The following PHIP variants were observed in gnomAD, a reference collection of about 807,000 sequenced individuals.
PHIP encodes PHIP subunit of CUL4-Ring ligase complex, also known as PH-interacting protein.
Under a neutral mutation model 236.8 loss-of-function variants are expected in PHIP, and 54 were observed. The ratio of observed to expected loss-of-function variants is 0.23; its 90% CI spans 0.18 to 0.29. PHIP has a LOEUF of 0.29. PHIP is among the 10% of genes least tolerant of loss of function. The pLI is 1.00. For synonymous variants in PHIP, 756 were observed against 718.9 expected (o/e 1.05, Z -0.83); for missense variants, 1,370 against 2,190.8 (o/e 0.63, Z 7.48).
rs1771354922 is a variant in PHIP, at chr6:79,025,545, G to C, written c.897C>G (p.Leu299=). Residue 299 remains leucine, a synonymous_variant, in exon 9 of 40, where the codon CTC becomes CTG. Coordinates refer to ENST00000275034, the MANE Select transcript of PHIP (RefSeq NM_017934.7). The part of the protein sequence containing the change: ...TGADGTICFW[L]WDAGTLKINP... ...TTATTTTAAGGGTTCCAGCATCCCAGAGCCAAAAACAAATAGTGCCATCTG... is the reference window on the plus strand; with the variant it reads ...TTATTTTAAGGGTTCCAGCATCCCACAGCCAAAAACAAATAGTGCCATCTG... 2 of 1,608,624 alleles carry C rather than the reference G, an allele frequency of 1.2e-6. No individual in the cohort carries two copies. The highest frequency in any genetic ancestry group is 1.7e-4 in the Middle Eastern group (1 of 6,050).
chr6:79,008,877 AT>A (rs922275778), intron 15 of PHIP, among the ~76,000 whole-genome samples: 8 of 152,074 alleles, frequency 5.3e-5, no homozygotes, highest in Non-Finnish European at 1.2e-4. Context: ...TAATAAAACC[AT>A]TGTTCTCAAG....
At chr6:79,014,958 T>A in intron 15 of PHIP, 124 bp downstream of exon 15, 1 of 664,000 alleles carries the variant, frequency 1.5e-6, no homozygotes, top group East Asian at 2.7e-5. Context: ...TCTTTATTGA[T>A]GGGAATTTAA....
At chr6:79,048,141 G>GT (rs1457347950) in intron 6 of PHIP, among the ~76,000 whole-genome samples, 1 of 151,284 alleles carries the variant, frequency 6.6e-6, no homozygotes, top group Non-Finnish European at 1.5e-5. Context: ...TAAAAATGTT[G>GT]TATCTTTATT....
chr6:79,077,359 A>G (rs1774224144), intron 4 of PHIP, 89 bp downstream of exon 4: 17 of 1,240,124 alleles, frequency 1.4e-5, no homozygotes, highest in Non-Finnish European at 1.9e-5. Flanking sequence ...TCTAGGGCCA[A>G]GTTTTTGTCT....
chr6:79,043,283 C>A (rs1478061643), intron 6 of PHIP, among the ~76,000 whole-genome samples: 1 of 150,918 alleles, frequency 6.6e-6, no homozygotes, highest in East Asian at 1.9e-4. Context: ...AGGATTAAAG[C>A]TCAGATTTAT....
intron 4 of PHIP, among the ~76,000 whole-genome samples, chr6:79,065,123 C>T (rs982149898): frequency 1.3e-5 from 2 of 152,318 alleles, no homozygotes; most frequent in South Asian, 4.1e-4. Flanking sequence ...ATTTTTAAAT[C>T]CATCTACCTG....
At chr6:79,072,992 G>A (rs927834436) in intron 4 of PHIP, among the ~76,000 whole-genome samples, 11 of 152,086 alleles carry the variant, frequency 7.2e-5, no homozygotes, top group African/African-American at 2.7e-4. Context: ...ACCACACAAA[G>A]TAGAAGCTAT....
chr6:78,965,851 T>C, intron 28 of PHIP, 87 bp from the exon 29 acceptor site: 2 of 1,190,860 alleles, frequency 1.7e-6, no homozygotes, highest in East Asian at 2.3e-5. Flanking sequence ...TAATTGCTTC[T>C]GTGTTTAAAA....
At position 79,077,812 on chromosome 6, in the gene PHIP, G is replaced by A. The variant is rs1026569562; in HGVS notation, c.99+43C>T. 5.7e-5 allele frequency: 66 copies of A among 1,162,992 alleles called. No individual in the cohort carries two copies. The African/African-American group carries it at 9.3e-4, about 16-fold the overall frequency. The allele number at this position is 1,162,992 out of a possible 1,614,324, so 72.0% of individuals were successfully genotyped here. A position where few individuals can be genotyped will look rare whatever the true frequency, so the allele number is the denominator to read the frequency against. On this transcript the variant is annotated intron_variant, in intron 2 of 39. Coordinates refer to ENST00000275034, the MANE Select transcript of PHIP (RefSeq NM_017934.7). ...CGCCGCCTCCCTCCCCCACGCCCGCGAGCGGCGAGCGCCGGCCCGGCCCGC... is the reference window on the plus strand; with the variant it reads ...CGCCGCCTCCCTCCCCCACGCCCGCAAGCGGCGAGCGCCGGCCCGGCCCGC...
chr6:78,993,905 C>T (rs58662335), intron 19 of PHIP, among the ~76,000 whole-genome samples: 53 of 152,286 alleles, frequency 3.5e-4, no homozygotes, highest in African/African-American at 1.3e-3. Flanking sequence ...ATTCTGCTAA[C>T]AGATCTGGGC....
chr6:79,059,591 T>TTATTTATATA (rs1235977083), intron 6 of PHIP, among the ~76,000 whole-genome samples: 1 of 84,762 alleles, frequency 1.2e-5, no homozygotes, highest in African/African-American at 4.7e-5. Context: ...GAAAGCAAAA[T>TTATTTATATA]TATATATATA....
chr6:78,955,001 A>T (rs1486407720), intron 34 of PHIP, 38 bp from the exon 35 acceptor site: 16 of 1,418,726 alleles, frequency 1.1e-5, no homozygotes, highest in Non-Finnish European at 1.5e-5. Context: ...ATAAAAGAGC[A>T]CTTACACAAT....
At chr6:78,962,318 A>G (rs766665612) in intron 30 of PHIP, among the ~76,000 whole-genome samples, 79 of 152,192 alleles carry the variant, frequency 5.2e-4, no homozygotes, top group Non-Finnish European at 1.1e-3. Flanking sequence ...GTAAAGTTGT[A>G]CAGCAAAAAC....
chr6:79,052,786 G>C (rs1055963806), intron 6 of PHIP, among the ~76,000 whole-genome samples: 7 of 152,122 alleles, frequency 4.6e-5, no homozygotes, highest in African/African-American at 1.7e-4. Flanking sequence ...ATGTTTCATT[G>C]TTTCTAGAGT....
chr6:78,985,468 T>A (rs1260295939), intron 21 of PHIP, 40 bp from the exon 22 acceptor site: 2 of 951,422 alleles, frequency 2.1e-6, no homozygotes, highest in Non-Finnish European at 3.4e-6. Context: ...CATAATTTTA[T>A]AAAATAACAT....
chr6:78,972,171 C>A (rs1231313094), intron 24 of PHIP, among the ~76,000 whole-genome samples: 1 of 152,184 alleles, frequency 6.6e-6, no homozygotes, highest in Non-Finnish European at 1.5e-5. Context: ...CAGTACGCAG[C>A]TGGAGATATG....
At chr6:79,007,199 G>T (rs189476450) in intron 15 of PHIP, among the ~76,000 whole-genome samples, 1 of 152,024 alleles carries the variant, frequency 6.6e-6, no homozygotes, top group Non-Finnish European at 1.5e-5. Flanking sequence ...ATTAAGGAAA[G>T]AATACTAATA....
intron 24 of PHIP, among the ~76,000 whole-genome samples, chr6:78,976,711 C>G (rs999052789): frequency 1.4e-5 from 2 of 147,238 alleles, no homozygotes; most frequent in Admixed American, 6.8e-5. Flanking sequence ...AAAAAGTGGG[C>G]GAAGGACATG....
chr6:78,971,071 C>G (rs1194591976), intron 24 of PHIP, among the ~76,000 whole-genome samples, 183 bp from the exon 25 acceptor site: 2 of 152,088 alleles, frequency 1.3e-5, no homozygotes, highest in East Asian at 3.9e-4. Flanking sequence ...CCAAAGTGTT[C>G]TAAATAACAT....
Sources: allele counts gnomAD v4.1 joint callset (sites outside exome capture counted in the v4.1 genomes callset), GRCh38; gene constraint gnomAD v4.1.1; transcripts MANE v1.5; gene names NCBI Gene and HGNC (gene_info 2026-07-23, HGNC 2026-07-21).